GCSAML: variants seen among roughly 807,000 people sequenced by gnomAD.
GCSAML encodes germinal center associated signaling and motility like, also known as germinal center-associated signaling and motility-like protein.
Under a neutral mutation model 13.0 loss-of-function variants are expected in GCSAML, and 9 were observed. The observed-to-expected ratio is 0.69, with a 90% CI of 0.42 to 1.21. The LOEUF (loss-of-function observed/expected upper bound fraction) is 1.21, where lower values mean the gene tolerates loss of function less well. Ranked by LOEUF, GCSAML falls within the 50% of genes most tolerant of loss-of-function variation. GCSAML has a pLI of 0.00. For missense variants in GCSAML, 143 were observed against 153.4 expected, an observed-to-expected ratio of 0.93 and a Z score of 0.36; for synonymous variants, 37 against 52.9, an observed-to-expected ratio of 0.70 and a Z score of 1.31.
chr1:247,568,607 G>A (rs985431258), intron 4 of GCSAML, among the ~76,000 whole-genome samples: 33 of 152,250 alleles, frequency 2.2e-4, no homozygotes, highest in African/African-American at 5.3e-4. Context: ...GTCAGGTAGC[G>A]TGATGCCTCC....
At chr1:247,534,745 T>C (rs994579315) in intron 2 of GCSAML, among the ~76,000 whole-genome samples, 2 of 152,140 alleles carry the variant, frequency 1.3e-5, no homozygotes, top group African/African-American at 4.8e-5. Context: ...AATTTACCTA[T>C]CCCTGTAACT....
intron 1 of GCSAML, among the ~76,000 whole-genome samples, chr1:247,516,551 CTGTTT>C: frequency 8.6e-6 from 1 of 116,558 alleles, no homozygotes; most frequent in Non-Finnish European, 1.8e-5. Flanking sequence ...TTCATGTTGA[CTGTTT>C]TTTTTTTTTT....
intron 3 of GCSAML, 27 bp from the exon 4 acceptor site, chr1:247,565,904 C>CTTTT (rs367904043): frequency 3.8e-5 from 52 of 1,368,894 alleles, no homozygotes; most frequent in East Asian, 5.1e-5. Context: ...TCCTTTCTTT[C>CTTTT]TTTTTTTTTT....
chr1:247,549,380 C>T (rs1488824896), intron 1 of GCSAML, 160 bp downstream of exon 1: 2 of 558,858 alleles, frequency 3.6e-6, no homozygotes, highest in Non-Finnish European at 6.3e-6. Context: ...CCAGTTGGCT[C>T]CTTCTCTTGC....
chr1:247,509,357 A>G (rs1665935780), intron 1 of GCSAML, among the ~76,000 whole-genome samples: 1 of 152,130 alleles, frequency 6.6e-6, no homozygotes. Flanking sequence ...GATTGATTTT[A>G]TATCCTGAGA....
At chr1:247,546,950 AAG>A (rs60647225), upstream of GCSAML, among the ~76,000 whole-genome samples, 12,778 of 87,058 alleles carry the variant, frequency 0.15, 1,099 homozygotes, top group African/African-American at 0.4. Flanking sequence ...AAAAAAAAAA[AAG>A]ATTAGCCTAG....
chr1:247,530,138 A>G (rs1666859914), intron 2 of GCSAML: 1 of 152,152 alleles, frequency 6.6e-6, no homozygotes, highest in Non-Finnish European at 1.5e-5. Context: ...CTAGTACGAA[A>G]GGAAAGACTA....
At chr1:247,556,679 A>G (rs1228433668) in intron 2 of GCSAML, among the ~76,000 whole-genome samples, 3 of 152,118 alleles carry the variant, frequency 2.0e-5, no homozygotes, top group Non-Finnish European at 2.9e-5. Context: ...TTTTGTTTCT[A>G]TTGATTATAT....
chr1:247,515,157 T>A (rs912763141), intron 1 of GCSAML, among the ~76,000 whole-genome samples: 1 of 152,298 alleles, frequency 6.6e-6, no homozygotes, highest in East Asian at 1.9e-4. Context: ...CATTTGACCA[T>A]CATAGAACTA....
chr1:247,529,148 A>T (rs1668088990), intron 2 of GCSAML: 1 of 152,222 alleles, frequency 6.6e-6, no homozygotes, highest in East Asian at 1.9e-4. Flanking sequence ...TTGAGCATAG[A>T]GTAAGCAATG....
rs1455279836 is a variant in GCSAML, at chr1:247,574,326, A to G, written c.352A>G (p.Ser118Gly). 1 of 1,614,096 alleles carries G rather than the reference A, an allele frequency of 6.2e-7. No homozygotes were observed. Among genetic ancestry groups the G allele is most frequent in the Non-Finnish European group, 8.5e-7 (1 of 1,179,978 alleles). The change falls in exon 5 of 5, where the codon AGT becomes GGT. Residue 118 changes from serine to glycine, a missense_variant. Ser to Gly is a moderately conservative substitution (Grantham distance 56). Transcript: ENST00000366488. ...TEYALLRTSV[S>G]RPCSCTHEHD... ...ATATGCCCTTCTTAGGACTTCTGTT[A>G]GTAGGCCTTGTTCCTGCACCCATGA...
intron 2 of GCSAML, among the ~76,000 whole-genome samples, chr1:247,559,858 C>T (rs1668065740): frequency 6.6e-6 from 1 of 152,112 alleles, no homozygotes; most frequent in South Asian, 2.1e-4. Context: ...TATAAAGACA[C>T]CAGTCATACT....
At chr1:247,515,827 G>A (rs1232406432) in intron 1 of GCSAML, among the ~76,000 whole-genome samples, 1 of 152,136 alleles carries the variant, frequency 6.6e-6, no homozygotes, top group African/African-American at 2.4e-5. Context: ...AATTCAACAT[G>A]AGATTTGGGT....
chr1:247,522,235 TGTCCGGGAGGGAGGTGGGGGGCA>T (rs1666466062), intron 1 of GCSAML, among the ~76,000 whole-genome samples: 3 of 71,392 alleles, frequency 4.2e-5, no homozygotes, highest in Admixed American at 1.2e-4. Context: ...CCAGCCGCCC[TGTCCGGGAGGGAGGTGGGGGGCA>T]GCCCCCACCC....
At chr1:247,571,101 T>C (rs527862683) in intron 4 of GCSAML, among the ~76,000 whole-genome samples, 3 of 152,334 alleles carry the variant, frequency 2.0e-5, no homozygotes, top group African/African-American at 7.2e-5. Flanking sequence ...TGTCTCTGCA[T>C]GTGAGATGGG....
chr1:247,573,976 T>C (rs1292477045), intron 4 of GCSAML, among the ~76,000 whole-genome samples, 167 bp from the exon 5 acceptor site: 1 of 152,142 alleles, frequency 6.6e-6, no homozygotes, highest in East Asian at 1.9e-4. Flanking sequence ...TCACTCATGA[T>C]TTGGCTCTCT....
In GCSAML at chr1:247,577,561, G is replaced by A. The variant is rs1668881061; in HGVS notation, c.*3179G>A. ...CTATCAGTAGTTGTACATCTTACTT[G>A]TCTCAGCATATCACCATATAGATAT... On this transcript the variant is annotated 3_prime_UTR_variant, in exon 5 of 5. Coordinates refer to ENST00000366488, the MANE Select transcript of GCSAML (RefSeq NM_145278.5). The A allele has an allele frequency of 6.6e-6, 1 of 152,084 alleles. No individual in the cohort carries two copies. The highest frequency in any genetic ancestry group is 1.5e-5 in the Non-Finnish European group (1 of 68,028). The allele number at this position is 152,084 out of a possible 1,614,324, so 9.4% of individuals were successfully genotyped here.
intron 3 of GCSAML, among the ~76,000 whole-genome samples, chr1:247,564,046 G>A (rs1668245626): frequency 6.6e-6 from 1 of 151,762 alleles, no homozygotes; most frequent in Admixed American, 6.6e-5. Context: ...TGATTTTCCT[G>A]CCTCAGCCTC....
At chr1:247,565,762 C>T (rs1293852628) in intron 3 of GCSAML, 169 bp from the exon 4 acceptor site, 4 of 590,142 alleles carry the variant, frequency 6.8e-6, no homozygotes, top group Non-Finnish European at 1.2e-5. Flanking sequence ...GTCTTGAGAA[C>T]TTCAGTTATA....
Sources: gnomAD v4.1 joint callset for allele counts (sites outside exome capture counted in the v4.1 genomes callset) on GRCh38, gnomAD v4.1.1 for gene constraint, MANE v1.5 for transcripts, NCBI Gene and HGNC (gene_info 2026-07-23, HGNC 2026-07-21) for gene names.